The following SH2B2 variants were observed in gnomAD, a reference collection of about 807,000 sequenced individuals.
SH2B2 encodes the protein SH2B adaptor protein 2.
Under a neutral mutation model 35.7 loss-of-function variants are expected in SH2B2, and 37 were observed. The observed-to-expected ratio is 1.04, with a 90% confidence interval of 0.80 to 1.36. SH2B2 has a LOEUF of 1.36. SH2B2 is among the 40% of genes most tolerant of loss of function. The pLI, the probability that SH2B2 is intolerant of heterozygous loss-of-function variation, is 0.00. For missense variants in SH2B2, 852 were observed against 817.7 expected (o/e 1.04, Z -0.51); for synonymous variants, 383 against 376.4 (o/e 1.02, Z -0.20).
chr7:102,290,695 C>T (rs1191183160), intron 1 of SH2B2, among the ~76,000 whole-genome samples: 1 of 152,188 alleles, frequency 6.6e-6, no homozygotes, highest in African/African-American at 2.4e-5. Context: ...ATTTCTTCAT[C>T]TCTGCAATGG....
intron 3 of SH2B2, among the ~76,000 whole-genome samples, chr7:102,307,665 C>T (rs1250154842): frequency 6.6e-6 from 1 of 152,050 alleles, no homozygotes; most frequent in African/African-American, 2.4e-5. Context: ...CAGAGGGGCT[C>T]ACCTGCCTCA....
rs782034083 is a variant in SH2B2 at position 102,321,443 on chromosome 7, C to T, written c.1712C>T (p.Ala571Val). The change falls in exon 9 of 9, where the codon GCC becomes GTC. Residue 571 changes from alanine to valine, a missense_variant. Ala to Val is a moderately conservative substitution (Grantham distance 64). Around this residue, in one of 3 missense-constraint regions of SH2B2, gnomAD observed 556 missense variants for 514.5 expected, o/e 1.08. Transcript: ENST00000444095. ...GCCGCCGGCGCCTCCTCGTCTTCCG[C>T]CTCGTCGTCCTCTGCCGCGTCGGGG... ...SDAAGASSSS[A>V]SSSSAASGPA... 92 of 1,274,424 alleles carry T rather than the reference C, an allele frequency of 7.2e-5. 1 individual carries two copies. In the East Asian group the frequency reaches 3.1e-3, roughly 42 times the overall value. The allele number at this position is 1,274,424 out of a possible 1,614,324, so 78.9% of individuals were successfully genotyped here.
chr7:102,315,493 T>C (rs1793788566), intron 6 of SH2B2, among the ~76,000 whole-genome samples: 1 of 151,786 alleles, frequency 6.6e-6, no homozygotes, highest in East Asian at 2.0e-4. Flanking sequence ...CTCGCCTGGC[T>C]CATTTTTGTA....
chr7:102,306,959 G>T (rs952973191), intron 3 of SH2B2, 137 bp downstream of exon 3: 2 of 693,362 alleles, frequency 2.9e-6, no homozygotes, highest in African/African-American at 3.5e-5. Context: ...TGGTGTGGGG[G>T]GTTCCCAGAC....
upstream of SH2B2, among the ~76,000 whole-genome samples, chr7:102,285,526 G>A (rs1792411260): frequency 6.6e-6 from 1 of 152,226 alleles, no homozygotes; most frequent in Non-Finnish European, 1.5e-5. Context: ...GCAGGGAAGG[G>A]GTCTGCCTGT....
chr7:102,300,720 C>G lies in SH2B2; in HGVS notation c.170C>G (p.Ala57Gly). 1 of 1,531,320 alleles carries G rather than the reference C, an allele frequency of 6.5e-7. No individual in the cohort carries two copies. The highest frequency in any genetic ancestry group is 8.8e-7 in the Non-Finnish European group (1 of 1,135,244). 94.9% of individuals were successfully genotyped at this position (1,531,320 alleles called of 1,614,324 possible). A position where few individuals can be genotyped will look rare whatever the true frequency, so the allele number is the denominator to read the frequency against. Residue 57 changes from alanine (A) to glycine (G), a missense_variant, in exon 2 of 9, where the codon GCC (alanine) becomes GGC (glycine). By Grantham distance (60) the Ala-to-Gly change is moderately conservative (BLOSUM62 0). Transcript: ENST00000444095. ...AACCCAGCTTACGACACGCCCGACGCCGGCGCCTCCTTCTCCCGCCACTTC... is the reference window on the plus strand; with the variant it reads ...AACCCAGCTTACGACACGCCCGACGGCGGCGCCTCCTTCTCCCGCCACTTC... Reference protein sequence around the residue: ...RDNPAYDTPDAGASFSRHFAA... With the variant: ...RDNPAYDTPDGGASFSRHFAA...
At chr7:102,286,802 CGGGGCTCGCGGCG>C, upstream of SH2B2, 1 of 40,984 alleles carries the variant, frequency 2.4e-5, no homozygotes, top group East Asian at 7.2e-4. Context: ...GGGGCGGGGC[CGGGGCTCGCGGCG>C]GGGGCGGGGG....
In SH2B2 at chr7:102,320,449, G is replaced by C. The variant is rs565977635; in HGVS notation, c.1514G>C (p.Gly505Ala). Residue 505 changes from glycine (G) to alanine (A), a missense_variant, in exon 8 of 9, where the codon GGC becomes GCC. Physicochemically the swap from Gly to Ala is moderately conservative, Grantham distance 60. Transcript: ENST00000444095. ...HTHPIPLESG[G>A]SADITLRSYV... ...CACCCCATCCCACTGGAGTCAGGGG[G>C]CTCGGCCGACATCACCCTTCGCAGC... is the stretch of plus-strand genomic sequence containing the variant. The C allele has an allele frequency of 6.2e-7, 1 of 1,613,604 alleles. No homozygotes were observed. The highest frequency in any genetic ancestry group is 8.5e-7 in the Non-Finnish European group (1 of 1,179,884).
chr7:102,317,193 A>AG lies in SH2B2; in HGVS notation c.1196dup (p.Ala400CysfsTer8). The AG allele has an allele frequency of 6.3e-7, 1 of 1,597,774 alleles. No individual in the cohort carries two copies. The highest frequency in any genetic ancestry group is 8.5e-7 in the Non-Finnish European group (1 of 1,171,544). On this transcript the variant is annotated frameshift_variant, in exon 7 of 9. Transcript: ENST00000444095. LOFTEE classifies it high-confidence loss of function. ...ACTGTCATCCCCACCTCAGGGGAAC[A>AG]GGGTGCAGAGACGGATCCCGAGGCT...
chr7:102,306,766 G>A lies in SH2B2; in HGVS notation c.775G>A (p.Val259Ile), dbSNP rs782210617. The A allele has an allele frequency of 8.7e-6, 14 of 1,601,322 alleles. No individual in the cohort carries two copies. In the East Asian group the frequency reaches 3.2e-4, roughly 36 times the overall value. The part of the protein sequence containing the change: ...VSIPLSAIIE[V>I]RTTMPLEMPE... ...CATCCCACTGTCAGCCATCATTGAG[G>A]TCCGCACCACCATGCCCCTGGAAAT... Residue 259 changes from valine to isoleucine, a missense_variant, in exon 3 of 9, where the codon GTC becomes ATC. This residue lies in a region of SH2B2 where 556 missense variants were observed against 514.5 expected (regional missense o/e 1.08). Transcript: ENST00000444095.
intron 3 of SH2B2, among the ~76,000 whole-genome samples, chr7:102,307,162 G>A (rs1164409240): frequency 6.6e-6 from 1 of 152,226 alleles, no homozygotes; most frequent in Non-Finnish European, 1.5e-5. Context: ...GTGGCCAGCC[G>A]GCAGCAGTTA....
chr7:102,288,425 T>C (rs1170650620), intron 1 of SH2B2, among the ~76,000 whole-genome samples: 1 of 152,098 alleles, frequency 6.6e-6, no homozygotes, highest in Non-Finnish European at 1.5e-5. Flanking sequence ...CCTACCAACA[T>C]ACAAGAACAG....
At chr7:102,291,771 G>A (rs182506271) in intron 1 of SH2B2, among the ~76,000 whole-genome samples, 3 of 152,302 alleles carry the variant, frequency 2.0e-5, no homozygotes, top group East Asian at 1.9e-4. Context: ...CAACGCCCAC[G>A]TATTCAGCAG....
chr7:102,301,422 G>A (rs1554553872), intron 2 of SH2B2, 143 bp downstream of exon 2: 1 of 1,040,034 alleles, frequency 9.6e-7, no homozygotes, highest in African/African-American at 1.7e-5. Context: ...AGGACCCTGG[G>A]AGGTGGGCCT....
At chr7:102,292,010 T>C (rs1792691868) in intron 1 of SH2B2, among the ~76,000 whole-genome samples, 2 of 151,990 alleles carry the variant, frequency 1.3e-5, no homozygotes, top group African/African-American at 4.8e-5. Flanking sequence ...GGAGCCTATG[T>C]TGTCCAGAGT....
chr7:102,305,150 G>C (rs149868033), intron 2 of SH2B2, among the ~76,000 whole-genome samples: 1 of 152,264 alleles, frequency 6.6e-6, no homozygotes, highest in Admixed American at 6.5e-5. Context: ...GCCCCGTTCT[G>C]AGTCGGGGGC....
In SH2B2 at chr7:102,317,198, G is replaced by T. The variant is rs534773193; in HGVS notation, c.1198G>T (p.Ala400Ser). 44 of 1,602,404 alleles carry T rather than the reference G, an allele frequency of 2.7e-5. No individual in the cohort carries two copies. In the African/African-American group the frequency reaches 5.9e-4, roughly 21 times the overall value. ...SDSNNTGEQG[A>S]ETDPEAEPEL... ...CATCCCCACCTCAGGGGAACAGGGT[G>T]CAGAGACGGATCCCGAGGCTGAACC... The change falls in exon 7 of 9, where the codon GCA (alanine) becomes TCA (serine). Residue 400 changes from alanine (A) to serine (S), a missense_variant. Transcript: ENST00000444095.
At chr7:102,315,744 GA>G (rs61456197) in intron 6 of SH2B2, among the ~76,000 whole-genome samples, 20,709 of 90,438 alleles carry the variant, frequency 0.23, 1,586 homozygotes, top group Middle Eastern at 0.41. Flanking sequence ...CCTGTGAAAA[GA>G]AAAAAAAAAA....
chr7:102,307,249 G>T (rs917607025), intron 3 of SH2B2, among the ~76,000 whole-genome samples: 3 of 152,234 alleles, frequency 2.0e-5, no homozygotes, highest in Admixed American at 6.5e-5. Flanking sequence ...GGCATCAAGG[G>T]GGGGCGGGGA....
Sources: gnomAD v4.1 joint callset for allele counts (sites outside exome capture counted in the v4.1 genomes callset) on GRCh38, gnomAD v4.1.1 for gene constraint, gnomAD v4.1.1 regional missense constraint, MANE v1.5 for transcripts, NCBI Gene and HGNC (gene_info 2026-07-23, HGNC 2026-07-21) for gene names.